The following IQANK1 variants were observed in gnomAD, a reference collection of about 807,000 sequenced individuals.
IQANK1 encodes the protein IQ motif and ankyrin repeat domain-containing protein 1.
In IQANK1, 30 loss-of-function variants were observed where a neutral mutation model predicts 22.6. The ratio of observed to expected loss-of-function variants is 1.33; its 90% CI spans 0.99 to 1.80. The LOEUF is 1.80. IQANK1 is among the 40% of genes most tolerant of loss of function. The pLI is 0.00. For synonymous variants in IQANK1, 122 were observed against 99.6 expected (o/e 1.23, Z -1.34); for missense variants, 275 against 235.2 (o/e 1.17, Z -1.11).
intron 7 of IQANK1, among the ~76,000 whole-genome samples, chr8:143,781,371 G>C (rs1819795639): frequency 1.3e-5 from 2 of 152,128 alleles, no homozygotes; most frequent in Non-Finnish European, 2.9e-5. Context: ...ATTGCTTTTG[G>C]TGTCTTTGTC....
At chr8:143,759,120 C>A (rs1819345083) in intron 3 of IQANK1, 2 of 317,936 alleles carry the variant, frequency 6.3e-6, no homozygotes, top group Non-Finnish European at 1.2e-5. Context: ...TGAAGAGGTT[C>A]TGGAACACCA....
At chr8:143,751,805 A>C (rs1306591657) in intron 3 of IQANK1, among the ~76,000 whole-genome samples, 11 of 151,106 alleles carry the variant, frequency 7.3e-5, no homozygotes, top group Non-Finnish European at 1.5e-4. Context: ...GACCTCCTTG[A>C]GCATTCCTTG....
intron 3 of IQANK1, among the ~76,000 whole-genome samples, chr8:143,749,297 TATATAAAA>T (rs1234021373): frequency 8.7e-5 from 10 of 115,486 alleles, no homozygotes; most frequent in African/African-American, 1.4e-4. Flanking sequence ...AAATATATAA[TATATAAAA>T]ATATAAAAAT....
At chr8:143,772,840 G>A (rs1819608027) in intron 7 of IQANK1, among the ~76,000 whole-genome samples, 1 of 152,348 alleles carries the variant, frequency 6.6e-6, no homozygotes, top group Non-Finnish European at 1.5e-5. Flanking sequence ...TACTGATGGA[G>A]AAACTGAGGC....
At chr8:143,739,811 G>A in intron 2 of IQANK1, 48 bp from the exon 3 acceptor site, 1 of 676,090 alleles carries the variant, frequency 1.5e-6, no homozygotes, top group African/African-American at 1.8e-5. Context: ...AGGCTAATGG[G>A]GATGGGGGTC....
intron 3 of IQANK1, among the ~76,000 whole-genome samples, chr8:143,747,927 C>CCTTTCCTTTCCTTTA (rs1554627383): frequency 8.5e-6 from 1 of 117,612 alleles, no homozygotes; most frequent in Non-Finnish European, 1.8e-5. Context: ...CCTTTCCTTT[C>CCTTTCCTTTCCTTTA]CTTTCCTTTC....
intron 7 of IQANK1, among the ~76,000 whole-genome samples, chr8:143,780,900 A>G (rs1819784889): frequency 6.6e-6 from 1 of 152,204 alleles, no homozygotes; most frequent in Non-Finnish European, 1.5e-5. Context: ...AGGAATTCCC[A>G]TACTGCTTTC....
intron 7 of IQANK1, among the ~76,000 whole-genome samples, chr8:143,776,052 C>T (rs58974655): frequency 0.038 from 5,674 of 150,640 alleles, 335 homozygotes; most frequent in African/African-American, 0.13. Context: ...CCGGGCGCGG[C>T]GGCTCACGCC....
intron 7 of IQANK1, among the ~76,000 whole-genome samples, chr8:143,776,327 CAAAAA>C (rs57571355): frequency 1.9e-5 from 2 of 105,914 alleles, no homozygotes; most frequent in East Asian, 2.8e-4. Flanking sequence ...GACTCCGTCT[CAAAAA>C]AAAAAAAAAA....
At chr8:143,740,892 G>T (rs1182905787) in intron 3 of IQANK1, among the ~76,000 whole-genome samples, 1 of 152,260 alleles carries the variant, frequency 6.6e-6, no homozygotes, top group African/African-American at 2.4e-5. Context: ...TCCGCGGAAG[G>T]CCCCGTGGTA....
intron 3 of IQANK1, among the ~76,000 whole-genome samples, chr8:143,753,160 T>C (rs1263693378): frequency 6.6e-6 from 1 of 151,876 alleles, no homozygotes; most frequent in African/African-American, 2.4e-5. Context: ...TGTGCCACCA[T>C]GCCTGGCTAA....
intron 3 of IQANK1, 114 bp downstream of exon 3, chr8:143,740,062 ATGTGCT>A: frequency 9.0e-6 from 5 of 555,914 alleles, no homozygotes; most frequent in Non-Finnish European, 1.6e-5. Flanking sequence ...TCATGTACAC[ATGTGCT>A]TGTGCGCGCA....
intron 3 of IQANK1, among the ~76,000 whole-genome samples, chr8:143,740,531 G>A (rs1818879361): frequency 6.6e-6 from 1 of 152,228 alleles, no homozygotes; most frequent in Non-Finnish European, 1.5e-5. Context: ...TGTCCTCGCC[G>A]CTGCCTGCCC....
rs1819974772 is a variant in IQANK1 at position 143,789,531 on chromosome 8, G to A, written c.1086+3G>A. 8 of 1,232,050 alleles carry A rather than the reference G, an allele frequency of 6.5e-6. No homozygotes were observed. Among genetic ancestry groups the A allele is most frequent in the Non-Finnish European group, 8.1e-6 (8 of 988,116 alleles). 76.3% of individuals were successfully genotyped at this position (1,232,050 alleles called of 1,614,324 possible). On this transcript the variant is annotated splice_donor_region_variant and intron_variant, in intron 10 of 13. Coordinates refer to ENST00000527139, the MANE Select transcript of IQANK1 (RefSeq NM_001381874.1). ...ACAAGACCAAGCTCACGCTGCAGGT[G>A]GGGGCCCGTGGTGGACTTGATATGC...
At chr8:143,767,869 A>G (rs1819505780) in intron 3 of IQANK1, among the ~76,000 whole-genome samples, 1 of 120,898 alleles carries the variant, frequency 8.3e-6, no homozygotes. Flanking sequence ...TGGACGATGG[A>G]GCGAGACCTT....
chr8:143,748,884 A>T (rs1367228784), intron 3 of IQANK1, among the ~76,000 whole-genome samples: 2 of 80,458 alleles, frequency 2.5e-5, no homozygotes, highest in South Asian at 3.4e-4. Context: ...AAATATATAT[A>T]TCATAAATAC....
chr8:143,789,595 C>T (rs1819977241), intron 10 of IQANK1, 67 bp downstream of exon 10: 1 of 1,229,248 alleles, frequency 8.1e-7, no homozygotes, highest in Non-Finnish European at 1.0e-6. Context: ...CCAAACCAGC[C>T]CAGAGCTCCC....
intron 9 of IQANK1, 83 bp downstream of exon 9, chr8:143,789,326 A>C (rs1819965711): frequency 2.1e-6 from 1 of 487,594 alleles, no homozygotes; most frequent in Non-Finnish European, 3.3e-6. Context: ...AGGGCCAGGA[A>C]GCTGGGGGAA....
Position 143,767,345 on chromosome 8 carries a change from AGT to A in IQANK1, c.176-4128_176-4127del, listed in dbSNP as rs201610376. Among the ~76,000 whole-genome samples, 220 of 151,452 alleles carry A rather than the reference AGT, an allele frequency of 1.5e-3. 1 individual carries two copies. Among genetic ancestry groups the A allele is most frequent in the African/African-American group, 4.8e-3 (200 of 41,350 alleles). On this transcript the variant is annotated intron_variant, in intron 3 of 13. Transcript: ENST00000527139. ...TAGTGCTCTTCAGAAATGTTTTATG[AGT>A]GTGTGTGTGTGTGTTTGCTCATGTG...
Sources: allele counts gnomAD v4.1 joint callset (sites outside exome capture counted in the v4.1 genomes callset), GRCh38; gene constraint gnomAD v4.1.1; transcripts MANE v1.5; gene names NCBI Gene and HGNC (gene_info 2026-07-23, HGNC 2026-07-21).